ANK2: variants seen among roughly 807,000 people sequenced by gnomAD.
ANK2 encodes the protein ankyrin-2.
Under a neutral mutation model 360.5 loss-of-function variants are expected in ANK2, and 83 were observed. The observed-to-expected ratio is 0.23, with a 90% CI of 0.19 to 0.28. ANK2 has a LOEUF of 0.28. Ranked by LOEUF, ANK2 falls within the 10% of genes least tolerant of loss-of-function variation. The pLI is 1.00. For synonymous variants in ANK2, 1,740 were observed against 1,759.5 expected (o/e 0.99, Z 0.28); for missense variants, 4,201 against 4,795.7 (o/e 0.88, Z 3.66).
intron 18 of ANK2, among the ~76,000 whole-genome samples, chr4:113,287,236 A>T (rs938166297): frequency 5.9e-5 from 9 of 152,234 alleles, no homozygotes; most frequent in Admixed American, 6.5e-5. Flanking sequence ...TAGGTGTAAT[A>T]GTTGGTTGAT....
rs1226486660 is a variant in ANK2, at chr4:113,355,594, G to T, written c.6976G>T (p.Asp2326Tyr). Reference protein sequence around the residue: ...PKDTSPKRQDDCTGSCSVALA... With the variant: ...PKDTSPKRQDYCTGSCSVALA... ...AGACACAAGCCCTAAAAGACAAGAT[G>T]ATTGCACAGGCAGCTGTAGTGTAGC... Residue 2326 changes from aspartate to tyrosine, a missense_variant, in exon 38 of 46, where the codon GAT (aspartate) becomes TAT (tyrosine). This residue lies in a region of ANK2 where 2,642 missense variants were observed against 2,714.5 expected (regional missense o/e 0.97). Transcript: ENST00000357077. The T allele has an allele frequency of 6.2e-7, 1 of 1,614,078 alleles. No homozygotes were observed. Among genetic ancestry groups the T allele is most frequent in the East Asian group, 2.2e-5 (1 of 44,864 alleles).
At chr4:112,824,502 T>G (rs2057963268) in intron 1 of ANK2, among the ~76,000 whole-genome samples, 1 of 120,816 alleles carries the variant, frequency 8.3e-6, no homozygotes, top group African/African-American at 3.1e-5. Flanking sequence ...GCACCCCACC[T>G]TTAGCATTTT....
At chr4:113,252,816 G>A (rs1013807975) in intron 10 of ANK2, among the ~76,000 whole-genome samples, 1 of 152,128 alleles carries the variant, frequency 6.6e-6, no homozygotes, top group Non-Finnish European at 1.5e-5. Flanking sequence ...TCACATTCAT[G>A]CAATCAAATG....
At chr4:113,321,633 C>G (rs2086324442) in intron 26 of ANK2, among the ~76,000 whole-genome samples, 1 of 152,062 alleles carries the variant, frequency 6.6e-6, no homozygotes. Flanking sequence ...CATTATACAC[C>G]AGGTTCCTAA....
chr4:113,119,081 G>T (rs1346923785), intron 1 of ANK2, among the ~76,000 whole-genome samples: 2 of 152,120 alleles, frequency 1.3e-5, no homozygotes, highest in Non-Finnish European at 2.9e-5. Context: ...CAGTTGCTTG[G>T]ATGCTTCATT....
chr4:112,713,312 C>G, the ANK2 span, among the ~76,000 whole-genome samples: 1 of 151,916 alleles, frequency 6.6e-6, no homozygotes, highest in Non-Finnish European at 1.5e-5. Flanking sequence ...AATGAAGTTG[C>G]TATATAAAAC....
intron 1 of ANK2, among the ~76,000 whole-genome samples, chr4:113,168,218 A>G (rs1371426619): frequency 6.6e-6 from 1 of 152,262 alleles, no homozygotes; most frequent in African/African-American, 2.4e-5. Flanking sequence ...TTATTTAAAA[A>G]GGAAATTTCA....
chr4:113,059,326 G>A (rs2071890420), intron 1 of ANK2, among the ~76,000 whole-genome samples: 1 of 152,110 alleles, frequency 6.6e-6, no homozygotes, highest in Non-Finnish European at 1.5e-5. Context: ...TCAGTGTTCT[G>A]TGAAGTCAGT....
At chr4:112,867,058 A>G (rs1005731329) in intron 1 of ANK2, among the ~76,000 whole-genome samples, 3 of 151,952 alleles carry the variant, frequency 2.0e-5, no homozygotes, top group African/African-American at 7.2e-5. Flanking sequence ...TTTAAAAGTT[A>G]TTATGTATTG....
intron 1 of ANK2, among the ~76,000 whole-genome samples, chr4:112,892,872 A>C (rs370440217): frequency 2.6e-5 from 4 of 152,324 alleles, no homozygotes; most frequent in East Asian, 3.9e-4. Flanking sequence ...TCGAACTCCA[A>C]GTATTTTGCT....
chr4:113,010,152 A>G (rs911247693), intron 2 of ANK2, among the ~76,000 whole-genome samples: 3 of 152,122 alleles, frequency 2.0e-5, no homozygotes, highest in Non-Finnish European at 4.4e-5. Context: ...TTCTTATTTG[A>G]AGAAATTGTT....
At chr4:112,891,875 G>A (rs1218895031) in intron 1 of ANK2, among the ~76,000 whole-genome samples, 2 of 152,108 alleles carry the variant, frequency 1.3e-5, no homozygotes, top group Non-Finnish European at 2.9e-5. Flanking sequence ...TCAGTCCTTA[G>A]AATTAAAGCA....
At chr4:112,745,415 G>A in the ANK2 span, among the ~76,000 whole-genome samples, 1 of 151,918 alleles carries the variant, frequency 6.6e-6, no homozygotes, top group Non-Finnish European at 1.5e-5. Context: ...ATCACCTCCA[G>A]CATTTATCCT....
At chr4:113,086,074 C>T (rs1186359471) in intron 1 of ANK2, among the ~76,000 whole-genome samples, 1 of 152,044 alleles carries the variant, frequency 6.6e-6, no homozygotes, top group East Asian at 1.9e-4. Flanking sequence ...AAAAGCTGGT[C>T]CAATGTTATA....
intron 14 of ANK2, among the ~76,000 whole-genome samples, chr4:113,269,568 C>T (rs923552988): frequency 3.9e-5 from 6 of 152,214 alleles, no homozygotes; most frequent in Non-Finnish European, 7.3e-5. Context: ...TGAAGTGAAG[C>T]CCCACCCTGC....
In ANK2 at chr4:112,953,945, C is replaced by A. The variant is rs113570392; in HGVS notation, c.21+49431C>A. Among the ~76,000 whole-genome samples, 1,068 of 151,846 alleles carry A rather than the reference C, an allele frequency of 7.0e-3. 9 individuals are homozygous for A. The highest frequency in any genetic ancestry group is 0.024 in the African/African-American group (978 of 41,408). On this transcript the variant is annotated intron_variant, in intron 2 of 30. Transcript: ENST00000503271. Reference sequence around the variant, plus strand: ...TTATTTATTTCTTCTCTGTCTCCCCCCGCCCCCGTCTTTCTTTCTTATAAA... The same window carrying A: ...TTATTTATTTCTTCTCTGTCTCCCCACGCCCCCGTCTTTCTTTCTTATAAA...
intron 1 of ANK2, among the ~76,000 whole-genome samples, chr4:112,891,153 G>A (rs1226646072): frequency 1.3e-5 from 2 of 152,128 alleles, no homozygotes; most frequent in Non-Finnish European, 2.9e-5. Context: ...GAGACTCAGA[G>A]GTTTTGTGAC....
intron 10 of ANK2, among the ~76,000 whole-genome samples, chr4:113,252,254 G>A (rs72898096): frequency 0.012 from 1,779 of 152,210 alleles, 28 homozygotes; most frequent in African/African-American, 0.04. Context: ...GGGGGAATCC[G>A]CCCTCCTGAT....
In ANK2 at chr4:113,365,079, G is replaced by T; in HGVS notation, c.10929G>T (p.Met3643Ile). 1 of 1,613,928 alleles carries T rather than the reference G, an allele frequency of 6.2e-7. No homozygotes were observed. The highest frequency in any genetic ancestry group is 8.5e-7 in the Non-Finnish European group (1 of 1,179,892). ...LVECLTKINR[M>I]DIVHLMETNT... ...AATGTCTCACCAAGATCAACCGAAT[G>T]GATATTGTTCATCTCATGGAGACCA... The change falls in exon 41 of 46, where the codon ATG (methionine) becomes ATT (isoleucine). Residue 3643 changes from methionine to isoleucine, a missense_variant. By Grantham distance (10) the Met-to-Ile change is conservative. Coordinates refer to ENST00000357077, the MANE Select transcript of ANK2 (RefSeq NM_001148.6).
Sources: allele counts gnomAD v4.1 joint callset (sites outside exome capture counted in the v4.1 genomes callset), GRCh38; gene constraint gnomAD v4.1.1; regional missense constraint gnomAD v4.1.1; transcripts MANE v1.5; gene names NCBI Gene and HGNC (gene_info 2026-07-23, HGNC 2026-07-21).